Variants in FIP1L1 observed in about 807,000 individuals in gnomAD.
FIP1L1 encodes factor interacting with PAPOLA and CPSF1, also known as pre-mRNA 3'-end-processing factor FIP1.
Under a neutral mutation model 84.6 loss-of-function variants are expected in FIP1L1, and 21 were observed. That is an observed-to-expected ratio of 0.25 (90% confidence interval 0.18 to 0.36). The LOEUF is 0.36. Ranked by LOEUF, FIP1L1 falls within the 10% of genes least tolerant of loss-of-function variation. The pLI is 1.00. For missense variants in FIP1L1, 526 were observed against 751.1 expected, an observed-to-expected ratio of 0.70 and a Z score of 3.50; for synonymous variants, 263 against 242.3, an observed-to-expected ratio of 1.09 and a Z score of -0.80.
At chr4:53,416,101 G>A (rs1177838254) in intron 11 of FIP1L1, among the ~76,000 whole-genome samples, 1 of 152,184 alleles carries the variant, frequency 6.6e-6, no homozygotes, top group Non-Finnish European at 1.5e-5. Flanking sequence ...AGAATGAAGT[G>A]TATGAGTCTT....
chr4:53,382,138 ACAGT>A, intron 3 of FIP1L1, 136 bp from the exon 4 acceptor site: 1 of 587,984 alleles, frequency 1.7e-6, no homozygotes, highest in Non-Finnish European at 3.0e-6. Flanking sequence ...ACGGAATAAG[ACAGT>A]CAGATTTTAC....
At chr4:53,420,618 A>T (rs1762031984) in intron 11 of FIP1L1, among the ~76,000 whole-genome samples, 1 of 152,094 alleles carries the variant, frequency 6.6e-6, no homozygotes, top group Non-Finnish European at 1.5e-5. Flanking sequence ...TTTTTCATTA[A>T]TAAATTGTTA....
intron 11 of FIP1L1, among the ~76,000 whole-genome samples, chr4:53,420,890 T>C (rs1343420829): frequency 6.6e-6 from 1 of 152,250 alleles, no homozygotes; most frequent in Non-Finnish European, 1.5e-5. Flanking sequence ...TAATTTTTTA[T>C]GAGCTACTTT....
chr4:53,429,672 T>C (rs1320037313), intron 13 of FIP1L1, among the ~76,000 whole-genome samples: 1 of 152,198 alleles, frequency 6.6e-6, no homozygotes, highest in Non-Finnish European at 1.5e-5. Flanking sequence ...TCTTAAAACT[T>C]TTTAAAAATT....
chr4:53,428,806 T>G (rs534891672), intron 13 of FIP1L1, among the ~76,000 whole-genome samples: 6 of 152,238 alleles, frequency 3.9e-5, no homozygotes, highest in Non-Finnish European at 8.8e-5. Flanking sequence ...TCTTACTTTG[T>G]TTTTAACCTT....
intron 3 of FIP1L1, among the ~76,000 whole-genome samples, chr4:53,380,278 A>G (rs1167680267): frequency 2.0e-5 from 3 of 152,254 alleles, no homozygotes; most frequent in African/African-American, 7.2e-5. Context: ...TTATATCCAT[A>G]CAGCGGAATA....
At chr4:53,391,174 G>C (rs1339508068) in intron 8 of FIP1L1, 35 bp downstream of exon 8, 8 of 1,576,194 alleles carry the variant, frequency 5.1e-6, no homozygotes, top group Middle Eastern at 1.7e-4. Flanking sequence ...CCCTTGGCTT[G>C]TCTACCGTCC....
intron 1 of FIP1L1, 92 bp downstream of exon 1, chr4:53,378,015 GCTTCGGGCCTCTGGT>G: frequency 8.6e-7 from 1 of 1,157,896 alleles, no homozygotes; most frequent in South Asian, 1.7e-5. Context: ...TCGCGCCGCC[GCTTCGGGCCTCTGGT>G]TGGGAGTCCT....
chr4:53,440,692 G>T, intron 13 of FIP1L1: 1 of 956,668 alleles, frequency 1.0e-6, no homozygotes, highest in Non-Finnish European at 1.7e-6. Context: ...CGGTGTTGAT[G>T]CGGTTAGAAT....
chr4:53,404,238 C>T (rs550077170), intron 10 of FIP1L1, among the ~76,000 whole-genome samples: 1 of 143,428 alleles, frequency 7.0e-6, no homozygotes, highest in African/African-American at 2.6e-5. Context: ...TCAATTCCCA[C>T]CTATGAGTGA....
intron 10 of FIP1L1, among the ~76,000 whole-genome samples, chr4:53,414,047 T>C (rs780237794): frequency 1.8e-4 from 27 of 152,308 alleles, no homozygotes; most frequent in South Asian, 1.0e-3. Context: ...ATATTGCAAA[T>C]ATCTGAACTT....
chr4:53,381,751 TTC>T (rs1473945632), intron 3 of FIP1L1, among the ~76,000 whole-genome samples: 4 of 118,684 alleles, frequency 3.4e-5, no homozygotes, highest in African/African-American at 1.3e-4. Flanking sequence ...GGCATTTGCA[TTC>T]TTTTTTTTTT....
intron 15 of FIP1L1, 50 bp downstream of exon 15, chr4:53,444,153 CTT>C: frequency 8.4e-7 from 1 of 1,195,832 alleles, no homozygotes; most frequent in South Asian, 1.2e-5. Context: ...CAGTAAAGTA[CTT>C]GAATATTTTT....
At chr4:53,429,164 C>A (rs1243437316) in intron 13 of FIP1L1, among the ~76,000 whole-genome samples, 2 of 152,132 alleles carry the variant, frequency 1.3e-5, no homozygotes, top group African/African-American at 4.8e-5. Context: ...ATCTTCAGTG[C>A]CTTTGATTTC....
intron 11 of FIP1L1, among the ~76,000 whole-genome samples, chr4:53,416,573 G>T (rs1759601743): frequency 6.6e-6 from 1 of 152,212 alleles, no homozygotes. Flanking sequence ...CAAATTCACA[G>T]CTAGTTAAGA....
chr4:53,381,602 G>T (rs1328909515), intron 3 of FIP1L1, among the ~76,000 whole-genome samples: 1 of 151,966 alleles, frequency 6.6e-6, no homozygotes, highest in Non-Finnish European at 1.5e-5. Flanking sequence ...TTTGGTGATT[G>T]TGCTATAAAA....
intron 11 of FIP1L1, among the ~76,000 whole-genome samples, chr4:53,420,078 G>A (rs1277425358): frequency 8.6e-5 from 13 of 151,528 alleles, no homozygotes; most frequent in Non-Finnish European, 1.3e-4. Flanking sequence ...AGCGCCTGTA[G>A]TCCCAGCTAC....
At chr4:53,407,446 G>A (rs1754266708) in intron 10 of FIP1L1, among the ~76,000 whole-genome samples, 1 of 152,054 alleles carries the variant, frequency 6.6e-6, no homozygotes, top group Non-Finnish European at 1.5e-5. Flanking sequence ...GGTCAGTTTT[G>A]GAATAGGTGT....
At chr4:53,457,411 T>TA (rs1351224381) in intron 16 of FIP1L1, among the ~76,000 whole-genome samples, 1 of 152,116 alleles carries the variant, frequency 6.6e-6, no homozygotes, top group Non-Finnish European at 1.5e-5. Context: ...CATATACAAA[T>TA]ATGTGCAAAT....
Sources: gnomAD v4.1 joint callset for allele counts (sites outside exome capture counted in the v4.1 genomes callset) on GRCh38, gnomAD v4.1.1 for gene constraint, MANE v1.5 for transcripts, NCBI Gene and HGNC (gene_info 2026-07-23, HGNC 2026-07-21) for gene names.